The following GNAO1 variants were observed in gnomAD, a reference collection of about 807,000 sequenced individuals.
GNAO1 encodes G protein subunit alpha o1.
For synonymous variants in GNAO1, 164 were observed against 180.7 expected, an observed-to-expected ratio of 0.91 and a Z score of 0.74; for missense variants, 166 against 478.7, an observed-to-expected ratio of 0.35 and a Z score of 6.10.
intron 6 of GNAO1, among the ~76,000 whole-genome samples, chr16:56,350,055 G>A (rs1000153111): frequency 6.6e-6 from 1 of 152,266 alleles, no homozygotes. Context: ...GGCACAGTGT[G>A]GGCCTCAGTG....
At chr16:56,213,809 A>G (rs1211764606) in intron 2 of GNAO1, among the ~76,000 whole-genome samples, 1 of 151,526 alleles carries the variant, frequency 6.6e-6, no homozygotes, top group Admixed American at 6.6e-5. Flanking sequence ...GCAAACCACA[A>G]GGAGGTTTAT....
intron 2 of GNAO1, among the ~76,000 whole-genome samples, chr16:56,201,888 C>A (rs926733200): frequency 6.6e-6 from 1 of 152,140 alleles, no homozygotes; most frequent in African/African-American, 2.4e-5. Flanking sequence ...CATCTGAGTG[C>A]AGCTCCTGGT....
chr16:56,258,065 GCCAAACAAAATACATCTCCCTGGC>G (rs1345171233), intron 2 of GNAO1, among the ~76,000 whole-genome samples: 3 of 152,236 alleles, frequency 2.0e-5, no homozygotes, highest in Non-Finnish European at 4.4e-5. Context: ...ACTACTGCAG[GCCAAACAAAATACATCTCCCTGGC>G]CCAAATCCAG....
Position 56,326,613 on chromosome 16 carries a change from G to T in GNAO1, c.304-2018G>T, listed in dbSNP as rs974260497. Among the ~76,000 whole-genome samples the T allele has an allele frequency of 3.3e-5, 5 of 152,352 alleles. No homozygotes were observed. Among genetic ancestry groups the T allele is most frequent in the African/African-American group, 4.8e-5 (2 of 41,590 alleles). ...GGCTGCTGGGGCTCCATCCCATGGG[G>T]ATCCTGTCTGAATGTGTAGCTTGTC... On this transcript the variant is annotated intron_variant, in intron 3 of 8. Coordinates refer to ENST00000262493, the MANE Select transcript of GNAO1 (RefSeq NM_020988.3). This position sits in a 1 kb window ranked among gnomAD's most constrained non-coding sequence, Gnocchi z 4.8.
At chr16:56,346,807 A>ATTC in intron 6 of GNAO1, 1 of 985,408 alleles carries the variant, frequency 1.0e-6, no homozygotes, top group Non-Finnish European at 1.2e-6. Flanking sequence ...TTCTCTGAGT[A>ATTC]TTCTTAGGAG....
chr16:56,256,307 G>T (rs144425772), intron 2 of GNAO1, among the ~76,000 whole-genome samples: 1 of 152,102 alleles, frequency 6.6e-6, no homozygotes, highest in Admixed American at 6.5e-5. Context: ...CCACTTCTTG[G>T]TCTGACCTGG....
chr16:56,347,194 C>T (rs1390983176), intron 6 of GNAO1: 5 of 985,328 alleles, frequency 5.1e-6, no homozygotes, highest in South Asian at 4.7e-5. Flanking sequence ...ACAGAGCCTC[C>T]TCTGGCTGCC....
chr16:56,240,132 A>T (rs2036679997), intron 2 of GNAO1, among the ~76,000 whole-genome samples: 1 of 152,178 alleles, frequency 6.6e-6, no homozygotes, highest in Admixed American at 6.5e-5. Flanking sequence ...GTGTAATCTT[A>T]CAATGGAGAT....
chr16:56,336,876 C>T lies in GNAO1; in HGVS notation c.723+16C>T, dbSNP rs757819174. ...CGAAACCACGGTGAGTGGCCTGGGC[C>T]CCCCGGGCAGGGGGCAGCGCTGAGG... On this transcript the variant is annotated intron_variant, in intron 6 of 8. Coordinates refer to ENST00000262493, the MANE Select transcript of GNAO1 (RefSeq NM_020988.3). 5.6e-6 allele frequency: 9 copies of T among 1,603,778 alleles called. No homozygotes were observed. Among genetic ancestry groups the T allele is most frequent in the Non-Finnish European group, 1.7e-6 (2 of 1,177,186 alleles).
chr16:56,199,712 C>CTT (rs2036264891), intron 2 of GNAO1, among the ~76,000 whole-genome samples: 1 of 152,150 alleles, frequency 6.6e-6, no homozygotes, highest in South Asian at 2.1e-4. Context: ...GTTTCCAGCT[C>CTT]TAAGATGCAG....
chr16:56,336,130 G>A (rs1387135358), intron 5 of GNAO1, among the ~76,000 whole-genome samples: 4 of 152,146 alleles, frequency 2.6e-5, no homozygotes, highest in South Asian at 2.1e-4. Context: ...GTGCCCCCTC[G>A]GGAGTAGAGT....
intron 2 of GNAO1, among the ~76,000 whole-genome samples, chr16:56,257,398 A>G (rs1274487352): frequency 6.6e-6 from 1 of 152,030 alleles, no homozygotes; most frequent in African/African-American, 2.4e-5. Context: ...TTTGTTTCCC[A>G]TCACTCTGGG....
chr16:56,349,065 G>A (rs1239075335), intron 6 of GNAO1, among the ~76,000 whole-genome samples: 5 of 152,212 alleles, frequency 3.3e-5, no homozygotes, highest in Admixed American at 1.3e-4. Flanking sequence ...CTGGAGGAGC[G>A]AGTGTGGTGT....
chr16:56,342,282 C>T (rs184398412), intron 6 of GNAO1, among the ~76,000 whole-genome samples: 3 of 152,316 alleles, frequency 2.0e-5, no homozygotes, highest in African/African-American at 7.2e-5. Context: ...AGGACACTCC[C>T]CAACCTCCAG....
At chr16:56,348,190 C>T (rs1363925236) in intron 6 of GNAO1, 10 of 984,366 alleles carry the variant, frequency 1.0e-5, no homozygotes, top group African/African-American at 1.7e-5. Flanking sequence ...AAAAAGTGCC[C>T]GCTTTCCTAG....
At chr16:56,321,860 G>A (rs559527611) in intron 3 of GNAO1, among the ~76,000 whole-genome samples, 6 of 152,164 alleles carry the variant, frequency 3.9e-5, no homozygotes, top group Non-Finnish European at 8.8e-5. Flanking sequence ...CGTCTGCCCC[G>A]CGTAAAATAC....
Position 56,209,133 on chromosome 16 carries a change from T to A in GNAO1, c.161+16517T>A, listed in dbSNP as rs551689847. On this transcript the variant is annotated intron_variant, in intron 2 of 8. Transcript: ENST00000262493. ...AAAGCTTTGGAGATTTATTTTATTTTCTATTTAACTGTTTAATTTACTTGT... is the reference window on the plus strand; with the variant it reads ...AAAGCTTTGGAGATTTATTTTATTTACTATTTAACTGTTTAATTTACTTGT... Among the ~76,000 whole-genome samples the A allele has an allele frequency of 3.9e-5, 6 of 152,344 alleles. No homozygotes were observed. The South Asian group carries it at 1.0e-3, about 26-fold the overall frequency.
intron 3 of GNAO1, among the ~76,000 whole-genome samples, chr16:56,317,366 A>T (rs538069966): frequency 6.6e-6 from 1 of 152,196 alleles, no homozygotes. Flanking sequence ...GGCACCAACT[A>T]CTGAGCTGGG....
At chr16:56,313,385 ATAAC>A (rs1455045361) in intron 3 of GNAO1, among the ~76,000 whole-genome samples, 3 of 152,168 alleles carry the variant, frequency 2.0e-5, no homozygotes, top group Non-Finnish European at 2.9e-5. Flanking sequence ...TTATTTGAAA[ATAAC>A]TATAAGTCCA....
Sources: gnomAD v4.1 joint callset for allele counts (sites outside exome capture counted in the v4.1 genomes callset) on GRCh38, gnomAD v4.1.1 for gene constraint, Gnocchi (gnomAD v3.1) non-coding constraint, MANE v1.5 for transcripts, NCBI Gene and HGNC (gene_info 2026-07-23, HGNC 2026-07-21) for gene names.